The following CEP170 variants were observed in gnomAD, a reference collection of about 807,000 sequenced individuals.
The protein encoded by CEP170 is centrosomal protein of 170 kDa.
CEP170 carries 21 observed loss-of-function variants against 151.9 expected under a neutral mutation model. The ratio of observed to expected loss-of-function variants is 0.14; its 90% confidence interval spans 0.10 to 0.20. The LOEUF (loss-of-function observed/expected upper bound fraction) is 0.20, where lower values mean the gene tolerates loss of function less well. Ranked by LOEUF, CEP170 falls within the 10% of genes least tolerant of loss-of-function variation. CEP170 has a pLI of 1.00. For missense variants in CEP170, 964 were observed against 1,892.9 expected, an observed-to-expected ratio of 0.51 and a Z score of 9.11; for synonymous variants, 356 against 648.8, an observed-to-expected ratio of 0.55 and a Z score of 6.86.
chr1:243,191,126 C>T lies in CEP170; in HGVS notation c.1000G>A (p.Ala334Thr). The change falls in exon 8 of 20, where the codon GCT becomes ACT. Residue 334 changes from alanine (A) to threonine (T), a missense_variant. Transcript: ENST00000366542. ...GGGTTGTTTTGTGCTAGCCAGTCAG[C>T]AACTTTGTTTTCGGGTGCCATCATT... ...TGMMAPENKV[A>T]DWLAQNNPPQ... 1 of 1,613,506 alleles carries T rather than the reference C, an allele frequency of 6.2e-7. No homozygotes were observed. Among genetic ancestry groups the T allele is most frequent in the Non-Finnish European group, 8.5e-7 (1 of 1,179,588 alleles).
intron 10 of CEP170, among the ~76,000 whole-genome samples, chr1:243,184,347 A>ACTCT (rs200021958): frequency 1.3e-5 from 2 of 150,804 alleles, no homozygotes; most frequent in East Asian, 3.9e-4. Flanking sequence ...CTTAAATTGC[A>ACTCT]CTCTCTCTCT....
chr1:243,195,173 AG>A (rs1271474918), intron 7 of CEP170, among the ~76,000 whole-genome samples: 1 of 151,668 alleles, frequency 6.6e-6, no homozygotes, highest in Admixed American at 6.6e-5. Flanking sequence ...GCTTAAAAGG[AG>A]CTACGACTTG....
At chr1:243,224,294 C>T (rs2063053280) in intron 2 of CEP170, among the ~76,000 whole-genome samples, 1 of 152,086 alleles carries the variant, frequency 6.6e-6, no homozygotes, top group Non-Finnish European at 1.5e-5. Flanking sequence ...TGACCAGGCC[C>T]TTTTTTTCCT....
At chr1:243,209,841 C>T (rs925506234) in intron 4 of CEP170, among the ~76,000 whole-genome samples, 5 of 151,652 alleles carry the variant, frequency 3.3e-5, no homozygotes, top group Admixed American at 1.3e-4. Context: ...TACAGGCGCC[C>T]GCCACCATGC....
chr1:243,175,157 G>T (rs2059144345), intron 10 of CEP170: 1 of 152,150 alleles, frequency 6.6e-6, no homozygotes, highest in Non-Finnish European at 1.5e-5. Context: ...AAAATATCAT[G>T]AACCTCTCTA....
intron 1 of CEP170, among the ~76,000 whole-genome samples, chr1:243,245,078 G>A (rs531268983): frequency 6.6e-6 from 1 of 152,270 alleles, no homozygotes; most frequent in East Asian, 1.9e-4. Flanking sequence ...GAAGCAGGGT[G>A]ATACAACAGA....
At chr1:243,157,985 A>G (rs1223882970) in intron 13 of CEP170, among the ~76,000 whole-genome samples, 1 of 152,160 alleles carries the variant, frequency 6.6e-6, no homozygotes, top group Non-Finnish European at 1.5e-5. Context: ...TTAGTCATAG[A>G]CCTTTTTTGA....
chr1:243,239,098 T>A (rs2064543414), intron 1 of CEP170, among the ~76,000 whole-genome samples: 1 of 152,244 alleles, frequency 6.6e-6, no homozygotes, highest in Admixed American at 6.5e-5. Flanking sequence ...CAAAACCTTT[T>A]TTACAAGATC....
At chr1:243,153,474 G>A (rs1310200139) in intron 14 of CEP170, among the ~76,000 whole-genome samples, 1 of 152,196 alleles carries the variant, frequency 6.6e-6, no homozygotes, top group African/African-American at 2.4e-5. Context: ...AGACTTCACT[G>A]TTGTCTTCTT....
intron 1 of CEP170, among the ~76,000 whole-genome samples, chr1:243,246,484 G>A (rs1276346843): frequency 1.3e-5 from 2 of 151,964 alleles, no homozygotes; most frequent in African/African-American, 2.4e-5. Context: ...TGCTGGCTTC[G>A]GCCTCCCAAA....
chr1:243,188,311 T>C (rs1281748770), intron 8 of CEP170, among the ~76,000 whole-genome samples: 1 of 152,168 alleles, frequency 6.6e-6, no homozygotes. Context: ...TTGATTCCAA[T>C]AGATAAAATT....
At position 243,215,203 on chromosome 1, in the gene CEP170, G is replaced by A. The variant is rs375134826; in HGVS notation, c.196-3239C>T. Among the ~76,000 whole-genome samples the A allele has an allele frequency of 2.4e-3, 361 of 152,068 alleles. 1 individual carries two copies. Among genetic ancestry groups the A allele is most frequent in the African/African-American group, 8.5e-3 (353 of 41,452 alleles). On this transcript the variant is annotated intron_variant, in intron 3 of 19. Transcript: ENST00000366542. The stretch of plus-strand genomic sequence containing the variant: ...TCTTCGTAAGCTGAGGATGTATGTC[G>A]CCTCAGGACCCTGTGATGATTGTGT...
Position 243,126,654 on chromosome 1 carries a change from G to A in CEP170, c.4550C>T (p.Pro1517Leu), listed in dbSNP as rs561098524. The A allele has an allele frequency of 1.0e-4, 161 of 1,559,412 alleles. No individual in the cohort carries two copies. Among genetic ancestry groups the A allele is most frequent in the Non-Finnish European group, 1.3e-4 (153 of 1,149,888 alleles). ...ATTCACAGGGCTGGACTTCTGTTTC[G>A]GTGGAGATGGCAACATAGCACTGGG... ...GFPSAMLPSP[P>L]KQKSSPVNNH... Residue 1517 changes from proline (P) to leucine (L), a missense_variant, in exon 20 of 20, where the codon CCG (proline) becomes CTG (leucine). Transcript: ENST00000366542.
intron 1 of CEP170, among the ~76,000 whole-genome samples, chr1:243,250,737 T>C (rs1451172666): frequency 1.6e-4 from 24 of 152,220 alleles, no homozygotes; most frequent in Admixed American, 1.4e-3. Flanking sequence ...ATTACATAAA[T>C]ATAACTTGAA....
chr1:243,189,269 G>A (rs1229691923), intron 8 of CEP170, among the ~76,000 whole-genome samples: 13 of 152,132 alleles, frequency 8.5e-5, no homozygotes, highest in Admixed American at 4.6e-4. Flanking sequence ...AATAATAGTC[G>A]ATACAGGCCA....
intron 3 of CEP170, among the ~76,000 whole-genome samples, chr1:243,216,801 T>G (rs2062343414): frequency 6.6e-6 from 1 of 152,150 alleles, no homozygotes; most frequent in Non-Finnish European, 1.5e-5. Context: ...GAAATTGTAA[T>G]ACAAAGAAAA....
At chr1:243,156,716 T>C (rs897957183) in intron 13 of CEP170, 2 of 328,572 alleles carry the variant, frequency 6.1e-6, no homozygotes, top group African/African-American at 4.2e-5. Context: ...AACATTCAGA[T>C]GAAAAATTTC....
intron 1 of CEP170, among the ~76,000 whole-genome samples, chr1:243,238,294 T>TA (rs1359308503): frequency 1.3e-5 from 2 of 151,598 alleles, no homozygotes; most frequent in African/African-American, 4.8e-5. Flanking sequence ...TACAAAAAAA[T>TA]AAAAAAAATA....
At chr1:243,214,280 G>GTTTTTTTTT (rs758433258) in intron 3 of CEP170, among the ~76,000 whole-genome samples, 1 of 100,536 alleles carries the variant, frequency 9.9e-6, no homozygotes, top group African/African-American at 3.6e-5. Context: ...AAGCTGTAAA[G>GTTTTTTTTT]TTTTTTTTTT....
Sources: gnomAD v4.1 joint callset for allele counts (sites outside exome capture counted in the v4.1 genomes callset) on GRCh38, gnomAD v4.1.1 for gene constraint, MANE v1.5 for transcripts, NCBI Gene and HGNC (gene_info 2026-07-23, HGNC 2026-07-21) for gene names.